TASP1: variants seen among roughly 807,000 people sequenced by gnomAD.
TASP1 encodes threonine aspartase 1.
In TASP1, 16 loss-of-function variants were observed where a neutral mutation model predicts 56.6. The ratio of observed to expected loss-of-function variants is 0.28; its 90% CI spans 0.19 to 0.43. The LOEUF is 0.43. TASP1 is among the 20% of genes least tolerant of loss of function. TASP1 has a pLI of 1.00. For missense variants in TASP1, 393 were observed against 511.6 expected (o/e 0.77, Z 2.24); for synonymous variants, 179 against 184.2 (o/e 0.97, Z 0.23).
chr20:13,605,478 G>A (rs2048114781), intron 4 of TASP1, among the ~76,000 whole-genome samples: 2 of 152,042 alleles, frequency 1.3e-5, no homozygotes, highest in Non-Finnish European at 2.9e-5. Flanking sequence ...GGCGGTTTGA[G>A]ACCAGCCTGG....
the TASP1 span, among the ~76,000 whole-genome samples, chr20:13,179,371 A>G: frequency 6.6e-6 from 1 of 150,882 alleles, no homozygotes; most frequent in African/African-American, 2.4e-5. Flanking sequence ...TTAAAAAACT[A>G]TACTAGATTT....
Position 13,524,235 on chromosome 20 carries a change from A to T in TASP1, c.874+4198T>A, listed in dbSNP as rs537861080. Among the ~76,000 whole-genome samples, 14 of 152,234 alleles carry T rather than the reference A, an allele frequency of 9.2e-5. No homozygotes were observed. The South Asian group carries it at 2.9e-3, about 32-fold the overall frequency. Reference sequence around the variant, plus strand: ...TTAAGGTAAACCAAAGCATAAACTTAATCTCTTGCTTTTTTCCCCTCCTTC... The same window carrying T: ...TTAAGGTAAACCAAAGCATAAACTTTATCTCTTGCTTTTTTCCCCTCCTTC... On this transcript the variant is annotated intron_variant, in intron 10 of 13. Coordinates refer to ENST00000337743, the MANE Select transcript of TASP1 (RefSeq NM_017714.3).
the TASP1 span, among the ~76,000 whole-genome samples, chr20:13,123,061 T>C: frequency 8.5e-5 from 13 of 152,330 alleles, no homozygotes; most frequent in East Asian, 1.7e-3. Context: ...CCAGGCGTGG[T>C]GGCTCATGCC....
chr20:13,288,036 T>A, the TASP1 span, among the ~76,000 whole-genome samples: 39,110 of 152,064 alleles, frequency 0.26, 5,457 homozygotes, highest in South Asian at 0.36. Flanking sequence ...GTCCATGTGA[T>A]GTCCCATAAT....
the TASP1 span, among the ~76,000 whole-genome samples, chr20:13,305,564 G>C: frequency 6.6e-6 from 1 of 152,148 alleles, no homozygotes; most frequent in Non-Finnish European, 1.5e-5. Context: ...CACAATTTCG[G>C]ACAAATTAAA....
the TASP1 span, among the ~76,000 whole-genome samples, chr20:13,381,952 G>C: frequency 1.8e-4 from 28 of 152,206 alleles, no homozygotes; most frequent in Non-Finnish European, 3.1e-4. Context: ...GATGGCTATA[G>C]GAAAGTAGCC....
the TASP1 span, among the ~76,000 whole-genome samples, chr20:13,194,063 C>T: frequency 6.6e-6 from 1 of 152,088 alleles, no homozygotes; most frequent in Non-Finnish European, 1.5e-5. Context: ...CGTTGTATAT[C>T]CAAATGAAAA....
At chr20:13,485,380 G>T (rs1368364014) in intron 10 of TASP1, among the ~76,000 whole-genome samples, 1 of 151,982 alleles carries the variant, frequency 6.6e-6, no homozygotes, top group Non-Finnish European at 1.5e-5. Flanking sequence ...GAAAGAAAAA[G>T]AATCAATAGA....
the TASP1 span, among the ~76,000 whole-genome samples, chr20:13,185,868 A>T: frequency 1.3e-5 from 2 of 152,132 alleles, no homozygotes; most frequent in Non-Finnish European, 2.9e-5. Flanking sequence ...GGAAGTCATC[A>T]CTCCCATCCT....
chr20:13,366,055 C>A, the TASP1 span, among the ~76,000 whole-genome samples: 1 of 152,146 alleles, frequency 6.6e-6, no homozygotes, highest in East Asian at 1.9e-4. Flanking sequence ...GCGAGAACAA[C>A]ATCAGCTGAA....
the TASP1 span, among the ~76,000 whole-genome samples, chr20:13,298,250 C>T: frequency 6.6e-6 from 1 of 152,110 alleles, no homozygotes; most frequent in Non-Finnish European, 1.5e-5. Flanking sequence ...GGATTACAGG[C>T]GCATGCCACA....
the TASP1 span, among the ~76,000 whole-genome samples, chr20:13,215,066 C>A: frequency 6.6e-6 from 1 of 152,086 alleles, no homozygotes; most frequent in Admixed American, 6.5e-5. Context: ...TGGATATGCA[C>A]CCAGGATACA....
At chr20:13,542,848 T>C (rs2045673182) in intron 8 of TASP1, among the ~76,000 whole-genome samples, 1 of 151,848 alleles carries the variant, frequency 6.6e-6, no homozygotes, top group Admixed American at 6.6e-5. Flanking sequence ...GAAATTTATG[T>C]CCAAAATTTT....
the TASP1 span, among the ~76,000 whole-genome samples, chr20:13,291,489 A>G: frequency 6.6e-6 from 1 of 152,194 alleles, no homozygotes; most frequent in South Asian, 2.1e-4. Flanking sequence ...AAGGAAATCA[A>G]GTCAGGGAAA....
intron 8 of TASP1, among the ~76,000 whole-genome samples, chr20:13,552,914 TTC>T (rs1452377607): frequency 3.9e-5 from 6 of 152,168 alleles, no homozygotes; most frequent in Non-Finnish European, 7.4e-5. Context: ...GGGTTTTTCT[TTC>T]TGTTTTTCTT....
At chr20:13,551,620 AGTTT>A (rs1394769849) in intron 8 of TASP1, among the ~76,000 whole-genome samples, 1 of 152,194 alleles carries the variant, frequency 6.6e-6, no homozygotes, top group Non-Finnish European at 1.5e-5. Flanking sequence ...GCATTCAATC[AGTTT>A]GTTTTCCCAA....
chr20:13,263,467 CT>C, the TASP1 span, among the ~76,000 whole-genome samples: 1 of 152,038 alleles, frequency 6.6e-6, no homozygotes, highest in Non-Finnish European at 1.5e-5. Context: ...TCCTGGTTTT[CT>C]CATCTTAGGA....
At chr20:13,567,791 CAT>C (rs2046586054) in intron 7 of TASP1, among the ~76,000 whole-genome samples, 2 of 152,138 alleles carry the variant, frequency 1.3e-5, no homozygotes, top group Admixed American at 6.5e-5. Flanking sequence ...AAGAAAAACA[CAT>C]GAGATCCAGG....
intron 10 of TASP1, among the ~76,000 whole-genome samples, chr20:13,495,802 C>CCAAG: frequency 6.6e-6 from 1 of 152,076 alleles, no homozygotes; most frequent in Non-Finnish European, 1.5e-5. Flanking sequence ...AGCAAGTTAA[C>CCAAG]TTACAGTTTT....
Sources: allele counts gnomAD v4.1 joint callset (sites outside exome capture counted in the v4.1 genomes callset), GRCh38; gene constraint gnomAD v4.1.1; transcripts MANE v1.5; gene names NCBI Gene and HGNC (gene_info 2026-07-23, HGNC 2026-07-21).